The following CDC42BPA variants were observed in gnomAD, a reference collection of about 807,000 sequenced individuals.
The protein encoded by CDC42BPA is serine/threonine-protein kinase MRCK alpha.
Under a neutral mutation model 223.5 loss-of-function variants are expected in CDC42BPA, and 80 were observed. The observed-to-expected ratio is 0.36, with a 90% confidence interval of 0.30 to 0.43. CDC42BPA has a LOEUF of 0.43. CDC42BPA is among the 20% of genes least tolerant of loss of function. CDC42BPA has a pLI of 1.00. For missense variants in CDC42BPA, 1,743 were observed against 2,099.9 expected (o/e 0.83, Z 3.32); for synonymous variants, 694 against 718.6 (o/e 0.97, Z 0.55).
chr1:227,179,660 A>AAAAAAAAAAC (rs1667602280), intron 5 of CDC42BPA, among the ~76,000 whole-genome samples: 1 of 141,330 alleles, frequency 7.1e-6, no homozygotes, highest in Non-Finnish European at 1.5e-5. Context: ...AAAAAAAAAA[A>AAAAAAAAAAC]GCTATTTTAA....
chr1:227,175,393 A>C (rs1004583481), intron 5 of CDC42BPA, among the ~76,000 whole-genome samples: 13 of 152,048 alleles, frequency 8.5e-5, no homozygotes, highest in Non-Finnish European at 1.6e-4. Context: ...AATAGAAAAA[A>C]AGTCATAGTC....
At chr1:227,078,992 T>C (rs1680071832) in intron 17 of CDC42BPA, among the ~76,000 whole-genome samples, 1 of 152,154 alleles carries the variant, frequency 6.6e-6, no homozygotes, top group African/African-American at 2.4e-5. Context: ...GTCCCAAGCA[T>C]TTTGAATAAG....
At chr1:227,119,768 G>A (rs1688337014) in intron 12 of CDC42BPA, 36 bp downstream of exon 12, 1 of 1,376,320 alleles carries the variant, frequency 7.3e-7, no homozygotes. Context: ...ATTCAAAATA[G>A]AGAAAAAGCT....
intron 2 of CDC42BPA, among the ~76,000 whole-genome samples, chr1:227,218,587 A>G (rs1404211239): frequency 2.6e-5 from 4 of 152,208 alleles, no homozygotes; most frequent in Non-Finnish European, 4.4e-5. Flanking sequence ...TAGTGACAAA[A>G]TTAATAAGTA....
chr1:227,142,061 G>C (rs1303583249), intron 9 of CDC42BPA, among the ~76,000 whole-genome samples: 1 of 152,200 alleles, frequency 6.6e-6, no homozygotes. Context: ...AGACAAGGGG[G>C]ACTTGAGGTT....
At chr1:227,160,482 TCAGA>T in intron 6 of CDC42BPA, 57 bp downstream of exon 6, 1 of 1,044,448 alleles carries the variant, frequency 9.6e-7, no homozygotes, top group Non-Finnish European at 1.5e-6. Flanking sequence ...AACAGATATA[TCAGA>T]CAAATAGCAA....
chr1:227,217,362 G>A (rs534903805), intron 2 of CDC42BPA, among the ~76,000 whole-genome samples: 1 of 151,754 alleles, frequency 6.6e-6, no homozygotes, highest in East Asian at 1.9e-4. Flanking sequence ...CAGGAGAATT[G>A]CTTGAACCCG....
At chr1:227,060,501 G>C (rs931594486) in intron 21 of CDC42BPA, among the ~76,000 whole-genome samples, 3 of 152,104 alleles carry the variant, frequency 2.0e-5, no homozygotes, top group African/African-American at 7.2e-5. Context: ...GCAACAATGT[G>C]ACAAATGCTA....
chr1:227,316,499 T>C (rs1694416677), intron 1 of CDC42BPA, among the ~76,000 whole-genome samples: 1 of 152,220 alleles, frequency 6.6e-6, no homozygotes, highest in African/African-American at 2.4e-5. Flanking sequence ...TGTTTAGCAG[T>C]TTCCTTTCCT....
chr1:227,315,148 C>T (rs775140943), intron 1 of CDC42BPA, among the ~76,000 whole-genome samples: 1 of 152,002 alleles, frequency 6.6e-6, no homozygotes, highest in Non-Finnish European at 1.5e-5. Flanking sequence ...CCATTCTTAA[C>T]TTTCTTTTTA....
At chr1:227,044,953 T>C (rs1011017973) in intron 23 of CDC42BPA, among the ~76,000 whole-genome samples, 1 of 152,200 alleles carries the variant, frequency 6.6e-6, no homozygotes, top group Non-Finnish European at 1.5e-5. Context: ...TAAAATCCCC[T>C]GGAATCTATT....
intron 1 of CDC42BPA, among the ~76,000 whole-genome samples, chr1:227,259,221 T>C (rs1683625114): frequency 6.6e-6 from 1 of 150,872 alleles, no homozygotes; most frequent in South Asian, 2.1e-4. Flanking sequence ...CTGGCCAGTG[T>C]TAACTGAACC....
chr1:227,106,574 AG>A (rs1477284283), intron 14 of CDC42BPA, among the ~76,000 whole-genome samples: 3 of 152,166 alleles, frequency 2.0e-5, no homozygotes, highest in Non-Finnish European at 4.4e-5. Flanking sequence ...AGAATCAGTT[AG>A]GAAGTGTTTC....
At chr1:227,057,265 A>C (rs1160182963) in intron 21 of CDC42BPA, among the ~76,000 whole-genome samples, 1 of 152,224 alleles carries the variant, frequency 6.6e-6, no homozygotes, top group Non-Finnish European at 1.5e-5. Context: ...ATTTATAAAG[A>C]AAATCATTCA....
At chr1:227,006,642 A>C (rs1449444426) in intron 34 of CDC42BPA, among the ~76,000 whole-genome samples, 1 of 152,176 alleles carries the variant, frequency 6.6e-6, no homozygotes, top group Admixed American at 6.5e-5. Context: ...AGTCACATCG[A>C]AACAGCCATT....
At chr1:227,299,635 T>C (rs572220048) in intron 1 of CDC42BPA, among the ~76,000 whole-genome samples, 86 of 152,158 alleles carry the variant, frequency 5.7e-4, no homozygotes, top group Non-Finnish European at 9.7e-4. Context: ...GATTACAGAT[T>C]TATTATGTAA....
intron 3 of CDC42BPA, among the ~76,000 whole-genome samples, chr1:227,211,597 T>A (rs1211192990): frequency 9.9e-5 from 15 of 152,076 alleles, no homozygotes; most frequent in Admixed American, 8.5e-4. Context: ...CATAAATAAA[T>A]ATATGAAATC....
At chr1:227,194,614 A>G (rs1372451302) in intron 4 of CDC42BPA, among the ~76,000 whole-genome samples, 1 of 152,218 alleles carries the variant, frequency 6.6e-6, no homozygotes, top group African/African-American at 2.4e-5. Flanking sequence ...AGAGTACATC[A>G]AACTGTTCAC....
intron 21 of CDC42BPA, among the ~76,000 whole-genome samples, chr1:227,066,354 C>T (rs1677061731): frequency 6.6e-6 from 1 of 151,356 alleles, no homozygotes; most frequent in Non-Finnish European, 1.5e-5. Context: ...CGTGTCACCG[C>T]ACTCCAGCCT....
Sources: allele counts gnomAD v4.1 joint callset (sites outside exome capture counted in the v4.1 genomes callset), GRCh38; gene constraint gnomAD v4.1.1; transcripts MANE v1.5; gene names NCBI Gene and HGNC (gene_info 2026-07-23, HGNC 2026-07-21).